ULK4: variants seen among roughly 807,000 people sequenced by gnomAD.
ULK4 encodes the protein unc-51 like kinase 4.
In ULK4, 133 loss-of-function variants were observed where a neutral mutation model predicts 160.6. That is an observed-to-expected ratio of 0.83 (90% CI 0.72 to 0.96). The LOEUF is 0.96. Among genes scored for constraint, ULK4 ranks in the 40% least tolerant of loss-of-function variants. ULK4 has a pLI of 0.00. For synonymous variants in ULK4, 534 were observed against 539.8 expected (o/e 0.99, Z 0.15); for missense variants, 1,580 against 1,499.5 (o/e 1.05, Z -0.89).
chr3:41,363,055 T>C (rs1227130601), intron 35 of ULK4, among the ~76,000 whole-genome samples: 1 of 152,260 alleles, frequency 6.6e-6, no homozygotes, highest in African/African-American at 2.4e-5. Context: ...CCTGCAACTT[T>C]GCAGTGGACT....
At chr3:41,464,821 G>C (rs146305702) in intron 32 of ULK4, among the ~76,000 whole-genome samples, 2 of 152,290 alleles carry the variant, frequency 1.3e-5, no homozygotes, top group Non-Finnish European at 2.9e-5. Context: ...AGGAGGCAGA[G>C]GTGGGTCCCA....
At position 41,376,604 on chromosome 3, in the gene ULK4, T is replaced by G. The variant is rs376424983; in HGVS notation, c.3678+21475A>C. Among the ~76,000 whole-genome samples, 453 of 148,660 alleles carry G rather than the reference T, an allele frequency of 3.0e-3. 18 individuals are homozygous for G. The highest frequency in any genetic ancestry group is 0.017 in the East Asian group (82 of 4,716). On this transcript the variant is annotated intron_variant, in intron 35 of 36. Coordinates refer to ENST00000301831, the MANE Select transcript of ULK4 (RefSeq NM_017886.4). ...AACAGACAAACAGAGAGCCAAATCA[T>G]GAGTGAACTCCCATTCACAATTGCT...
chr3:41,793,713 T>C (rs1298017999), intron 20 of ULK4, among the ~76,000 whole-genome samples: 1 of 152,200 alleles, frequency 6.6e-6, no homozygotes, highest in Non-Finnish European at 1.5e-5. Context: ...GGAGCCACTT[T>C]ACTCAATCTA....
chr3:41,905,621 A>G (rs1698525804), intron 12 of ULK4, among the ~76,000 whole-genome samples: 1 of 152,186 alleles, frequency 6.6e-6, no homozygotes, highest in Non-Finnish European at 1.5e-5. Context: ...TCTTACAACT[A>G]AATAATAAAG....
At chr3:41,818,409 T>C (rs185756002) in intron 19 of ULK4, among the ~76,000 whole-genome samples, 139 of 152,342 alleles carry the variant, frequency 9.1e-4, no homozygotes, top group Admixed American at 3.9e-3. Flanking sequence ...GGTCTGTGTG[T>C]GAATAGGAAT....
intron 27 of ULK4, among the ~76,000 whole-genome samples, chr3:41,687,518 G>A (rs113875957): frequency 0.017 from 2,594 of 152,248 alleles, 70 homozygotes; most frequent in African/African-American, 0.059. Context: ...TTCCTTAAGT[G>A]TAGTCAGAAT....
At position 41,954,552 on chromosome 3, in the gene ULK4, G is replaced by A. The variant is rs1700420413; in HGVS notation, c.138+70C>T. ...ATATATCAAATTCAATGACTACTGT[G>A]AAAATGCTACCCCCTTCTACCTATT... On this transcript the variant is annotated intron_variant, in intron 2 of 36. Transcript: ENST00000301831. 3 of 1,520,348 alleles carry A rather than the reference G, an allele frequency of 2.0e-6. No individual in the cohort carries two copies. The Admixed American group carries it at 6.4e-5, about 33-fold the overall frequency. The allele number at this position is 1,520,348 out of a possible 1,614,324, so 94.2% of individuals were successfully genotyped here.
At chr3:41,383,547 G>T (rs1490348909) in intron 35 of ULK4, among the ~76,000 whole-genome samples, 2 of 152,172 alleles carry the variant, frequency 1.3e-5, no homozygotes, top group Non-Finnish European at 2.9e-5. Context: ...AAAGCTGCAC[G>T]GTTAAGTTGG....
intron 33 of ULK4, among the ~76,000 whole-genome samples, chr3:41,461,094 G>A (rs1377882109): frequency 6.6e-6 from 1 of 152,154 alleles, no homozygotes; most frequent in East Asian, 1.9e-4. Context: ...GGGGAAGGTA[G>A]TGGGTAGGGA....
intron 17 of ULK4, among the ~76,000 whole-genome samples, chr3:41,837,852 T>C (rs904962381): frequency 2.0e-5 from 3 of 152,226 alleles, no homozygotes; most frequent in African/African-American, 4.8e-5. Context: ...CGAGCCACTG[T>C]GTCCAGCCAG....
chr3:41,682,570 C>T (rs2035958692), intron 27 of ULK4, among the ~76,000 whole-genome samples: 1 of 152,222 alleles, frequency 6.6e-6, no homozygotes, highest in African/African-American at 2.4e-5. Context: ...AACAAAACAA[C>T]GCCCTGCACA....
At chr3:41,688,119 T>C (rs1403993710) in intron 27 of ULK4, 1 of 152,282 alleles carries the variant, frequency 6.6e-6, no homozygotes, top group Admixed American at 6.5e-5. Flanking sequence ...GCTCCCAGCA[T>C]GCACGGTGTA....
At chr3:41,276,385 A>G (rs537372525) in intron 35 of ULK4, among the ~76,000 whole-genome samples, 3 of 152,324 alleles carry the variant, frequency 2.0e-5, no homozygotes, top group South Asian at 4.1e-4. Flanking sequence ...AATTTGTCCC[A>G]TGACTCAAAG....
chr3:41,896,700 A>G (rs1194535864), intron 15 of ULK4, 122 bp downstream of exon 15: 2 of 1,126,946 alleles, frequency 1.8e-6, no homozygotes. Context: ...AATTTTCATA[A>G]ACCTAAAATC....
At chr3:41,431,070 C>T (rs13074845) in intron 34 of ULK4, among the ~76,000 whole-genome samples, 40,328 of 152,140 alleles carry the variant, frequency 0.27, 5,514 homozygotes, top group East Asian at 0.5. Context: ...AGACAACAGG[C>T]CGGGCGCGGT....
chr3:41,503,955 A>G (rs2085295747), intron 32 of ULK4, among the ~76,000 whole-genome samples: 1 of 152,212 alleles, frequency 6.6e-6, no homozygotes, highest in Non-Finnish European at 1.5e-5. Flanking sequence ...TAGAAATAGA[A>G]AAGGCCATCT....
chr3:41,458,130 A>G (rs1426361493), intron 33 of ULK4, among the ~76,000 whole-genome samples: 2 of 152,162 alleles, frequency 1.3e-5, no homozygotes, highest in Non-Finnish European at 2.9e-5. Flanking sequence ...GCTTTGGTCT[A>G]TGGGGCATTC....
intron 35 of ULK4, among the ~76,000 whole-genome samples, chr3:41,306,336 G>A (rs576197951): frequency 1.5e-5 from 2 of 135,942 alleles, no homozygotes; most frequent in African/African-American, 3.4e-5. Context: ...CGCCCCATCC[G>A]GGAGGGAGGT....
At chr3:41,290,072 T>G (rs1383283187) in intron 35 of ULK4, among the ~76,000 whole-genome samples, 3 of 152,076 alleles carry the variant, frequency 2.0e-5, no homozygotes, top group African/African-American at 7.2e-5. Context: ...ACGGAGTTCC[T>G]CCATGTTGGT....
Sources: gnomAD v4.1 joint callset for allele counts (sites outside exome capture counted in the v4.1 genomes callset) on GRCh38, gnomAD v4.1.1 for gene constraint, MANE v1.5 for transcripts, NCBI Gene and HGNC (gene_info 2026-07-23, HGNC 2026-07-21) for gene names.